Variants in CCDC148 observed in about 807,000 individuals in gnomAD.
CCDC148 encodes the protein coiled-coil domain-containing protein 148.
In CCDC148, 89 loss-of-function variants were observed where a neutral mutation model predicts 85.7. The observed-to-expected ratio is 1.04, with a 90% CI of 0.87 to 1.24. The LOEUF (loss-of-function observed/expected upper bound fraction) is 1.24. CCDC148 is among the 50% of genes most tolerant of loss of function. The pLI is 0.00. For missense variants in CCDC148, 692 were observed against 671.7 expected, an observed-to-expected ratio of 1.03 and a Z score of -0.33; for synonymous variants, 230 against 213.9, an observed-to-expected ratio of 1.08 and a Z score of -0.66.
chr2:158,277,981 T>C (rs912065781), intron 9 of CCDC148, among the ~76,000 whole-genome samples: 31 of 152,236 alleles, frequency 2.0e-4, no homozygotes, highest in Non-Finnish European at 4.1e-4. Flanking sequence ...CAAGTCAATT[T>C]GACTAGCACC....
At chr2:158,325,820 A>G (rs1359374752) in intron 7 of CCDC148, among the ~76,000 whole-genome samples, 1 of 152,138 alleles carries the variant, frequency 6.6e-6, no homozygotes, top group African/African-American at 2.4e-5. Context: ...TTTTTCTTAC[A>G]TGGCTCATTG....
Position 158,172,066 on chromosome 2 carries a change from G to T in CCDC148, c.*47C>A, listed in dbSNP as rs149776109. The T allele has an allele frequency of 8.8e-6, 12 of 1,358,794 alleles. No homozygotes were observed. Among genetic ancestry groups the T allele is most frequent in the Non-Finnish European group, 1.1e-5 (11 of 987,226 alleles). 84.2% of individuals were successfully genotyped at this position (1,358,794 alleles called of 1,614,324 possible). On this transcript the variant is annotated 3_prime_UTR_variant, in exon 14 of 14. Coordinates refer to ENST00000283233, the MANE Select transcript of CCDC148 (RefSeq NM_138803.4). Reference sequence around the variant, plus strand: ...AGTAATTATTATTATCCATATACATGTTTTCAAAGAAAAATGCTCTTTACA... The same window carrying T: ...AGTAATTATTATTATCCATATACATTTTTTCAAAGAAAAATGCTCTTTACA...
Position 158,358,534 on chromosome 2 carries a change from T to C in CCDC148, c.62A>G (p.Asn21Ser). Reference sequence around the variant, plus strand: ...ATAGTCTACTGGTTTGTACTTGATGTTTCTCATCTCATTTTTCATATGGAA... The same window carrying C: ...ATAGTCTACTGGTTTGTACTTGATGCTTCTCATCTCATTTTTCATATGGAA... Reference protein sequence around the residue: ...LVFHMKNEMRNIKYKPVDYQQ... With the variant: ...LVFHMKNEMRSIKYKPVDYQQ... The change falls in exon 2 of 14, where the codon AAC becomes AGC. Residue 21 changes from asparagine (N) to serine (S), a missense_variant. By Grantham distance (46) the Asn-to-Ser change is conservative (BLOSUM62 1). Transcript: ENST00000283233. The C allele has an allele frequency of 6.3e-7, 1 of 1,595,158 alleles. No individual in the cohort carries two copies. The highest frequency in any genetic ancestry group is 1.3e-5 in the African/African-American group (1 of 74,082).
chr2:158,456,388 G>T lies in CCDC148; in HGVS notation c.25+27C>A, dbSNP rs763046534. On this transcript the variant is annotated intron_variant, in intron 1 of 13. Coordinates refer to ENST00000283233, the MANE Select transcript of CCDC148 (RefSeq NM_138803.4). ...CTCAGTGACGTCAGGAGGAAGCAGC[G>T]ATGGAAGGGATGGGGTGCAAACTCA... 2.5e-5 allele frequency: 40 copies of T among 1,609,278 alleles called. No homozygotes were observed. In the East Asian group the frequency reaches 8.9e-4, roughly 36 times the overall value.
At chr2:158,362,496 A>C (rs1227789420) in intron 1 of CCDC148, among the ~76,000 whole-genome samples, 1 of 152,218 alleles carries the variant, frequency 6.6e-6, no homozygotes, top group Non-Finnish European at 1.5e-5. Context: ...ATCAAATTAG[A>C]ACTCAGCATT....
intron 7 of CCDC148, among the ~76,000 whole-genome samples, chr2:158,316,228 G>C (rs1692276702): frequency 6.6e-6 from 1 of 152,156 alleles, no homozygotes; most frequent in Non-Finnish European, 1.5e-5. Flanking sequence ...AAGTGAAAAT[G>C]GCAAACATTT....
intron 10 of CCDC148, among the ~76,000 whole-genome samples, chr2:158,244,448 G>A (rs1174569534): frequency 1.3e-5 from 2 of 152,100 alleles, no homozygotes; most frequent in Admixed American, 6.6e-5. Flanking sequence ...GAAAAAATCT[G>A]CTTCCAATCC....
chr2:158,257,427 A>G (rs1689054131), intron 9 of CCDC148, among the ~76,000 whole-genome samples: 2 of 151,798 alleles, frequency 1.3e-5, no homozygotes, highest in Admixed American at 1.3e-4. Flanking sequence ...TATTTTTCCA[A>G]TGTACCACTG....
chr2:158,328,141 A>C (rs1692883676), intron 7 of CCDC148, among the ~76,000 whole-genome samples: 1 of 151,976 alleles, frequency 6.6e-6, no homozygotes, highest in Non-Finnish European at 1.5e-5. Flanking sequence ...CATTAGGTAT[A>C]TCACCTAATG....
chr2:158,302,657 G>T (rs1230994869), intron 9 of CCDC148, among the ~76,000 whole-genome samples: 2 of 151,946 alleles, frequency 1.3e-5, no homozygotes, highest in African/African-American at 4.8e-5. Context: ...GGTGGCACAT[G>T]CCTGTAATCC....
rs775696917 is a variant in CCDC148, at chr2:158,330,474, TTTG to T, written c.764+8249_764+8251del. Reference sequence around the variant, plus strand: ...CGATATTGGTCTAAAATTTTCTTTTTTTGTTGTGTCTCTGGCAGGCTTTGGTAT... The same window carrying T: ...CGATATTGGTCTAAAATTTTCTTTTTTTGTGTCTCTGGCAGGCTTTGGTAT... On this transcript the variant is annotated intron_variant, in intron 7 of 13. Coordinates refer to ENST00000283233, the MANE Select transcript of CCDC148 (RefSeq NM_138803.4). Among the ~76,000 whole-genome samples the T allele has an allele frequency of 1.8e-3, 274 of 152,286 alleles. 1 individual carries two copies. The highest frequency in any genetic ancestry group is 3.6e-3 in the Non-Finnish European group (247 of 68,028).
At chr2:158,182,064 C>G (rs183483654) in intron 11 of CCDC148, among the ~76,000 whole-genome samples, 1 of 152,074 alleles carries the variant, frequency 6.6e-6, no homozygotes, top group African/African-American at 2.4e-5. Flanking sequence ...GAAATTTTCT[C>G]TTACACAGTG....
chr2:158,229,428 C>T (rs527512875), intron 10 of CCDC148, among the ~76,000 whole-genome samples: 1 of 152,214 alleles, frequency 6.6e-6, no homozygotes, highest in Non-Finnish European at 1.5e-5. Flanking sequence ...TGATTGATGA[C>T]ATAATTGTAG....
intron 11 of CCDC148, among the ~76,000 whole-genome samples, chr2:158,181,347 CA>C (rs1444029035): frequency 6.6e-6 from 1 of 152,120 alleles, no homozygotes; most frequent in East Asian, 1.9e-4. Flanking sequence ...GAGGCTTATT[CA>C]TTTATTTAAC....
At chr2:158,408,498 C>G (rs1686120048) in intron 1 of CCDC148, among the ~76,000 whole-genome samples, 1 of 152,028 alleles carries the variant, frequency 6.6e-6, no homozygotes, top group East Asian at 1.9e-4. Flanking sequence ...CTTTCTGTAC[C>G]TGGCTTATTT....
intron 9 of CCDC148, chr2:158,288,485 C>T (rs1207793011): frequency 1.3e-5 from 2 of 152,748 alleles, no homozygotes; most frequent in Admixed American, 1.3e-4. Flanking sequence ...AATTATCTCT[C>T]TCAAGTTCAA....
chr2:158,259,154 C>T (rs543485367), intron 9 of CCDC148, among the ~76,000 whole-genome samples: 1 of 151,712 alleles, frequency 6.6e-6, no homozygotes, highest in African/African-American at 2.4e-5. Context: ...AATATTTATT[C>T]AATCCCAAAT....
At chr2:158,323,636 A>T (rs1295449147) in intron 7 of CCDC148, among the ~76,000 whole-genome samples, 1 of 152,124 alleles carries the variant, frequency 6.6e-6, no homozygotes, top group Admixed American at 6.6e-5. Flanking sequence ...TGCAGAAGAG[A>T]TGTAATCTTG....
intron 1 of CCDC148, among the ~76,000 whole-genome samples, chr2:158,456,169 A>T (rs923898369): frequency 2.6e-5 from 4 of 152,208 alleles, no homozygotes; most frequent in Admixed American, 2.0e-4. Flanking sequence ...GGAACAGGCT[A>T]GCTCATGTGT....
Sources: allele counts gnomAD v4.1 joint callset (sites outside exome capture counted in the v4.1 genomes callset), GRCh38; gene constraint gnomAD v4.1.1; transcripts MANE v1.5; gene names NCBI Gene and HGNC (gene_info 2026-07-23, HGNC 2026-07-21).